HS3ST5: variants seen among roughly 807,000 people sequenced by gnomAD.
HS3ST5 encodes heparan sulfate-glucosamine 3-sulfotransferase 5.
HS3ST5 carries 10 observed loss-of-function variants against 25.4 expected under a neutral mutation model. The ratio of observed to expected loss-of-function variants is 0.39; its 90% confidence interval spans 0.24 to 0.67. HS3ST5 has a LOEUF of 0.67. Among genes scored for constraint, HS3ST5 ranks in the 30% least tolerant of loss-of-function variants. HS3ST5 has a pLI of 0.44. For synonymous variants in HS3ST5, 170 were observed against 162.4 expected (o/e 1.05, Z -0.36); for missense variants, 324 against 420.7 (o/e 0.77, Z 2.01).
intron 1 of HS3ST5, among the ~76,000 whole-genome samples, chr6:114,324,175 G>C (rs1161429292): frequency 6.6e-6 from 1 of 152,162 alleles, no homozygotes; most frequent in African/African-American, 2.4e-5. Context: ...TTCCCTTTTA[G>C]ACAACAGGGC....
chr6:114,095,238 A>G (rs963950436), intron 3 of HS3ST5, among the ~76,000 whole-genome samples: 6 of 152,168 alleles, frequency 3.9e-5, no homozygotes, highest in African/African-American at 1.4e-4. Context: ...TAGTGCTTCC[A>G]TCTTCCCAGT....
At chr6:114,070,257 T>C (rs553848109) in intron 3 of HS3ST5, among the ~76,000 whole-genome samples, 22 of 150,746 alleles carry the variant, frequency 1.5e-4, no homozygotes, top group South Asian at 4.2e-4. Flanking sequence ...CCACTGAACC[T>C]TGAGTTAGAG....
chr6:114,082,980 T>G (rs757264516), intron 3 of HS3ST5, among the ~76,000 whole-genome samples: 2 of 152,228 alleles, frequency 1.3e-5, no homozygotes, highest in Non-Finnish European at 2.9e-5. Flanking sequence ...GCACTCACCA[T>G]TGCTCCATCT....
At chr6:114,267,078 T>A (rs941671434) in intron 1 of HS3ST5, among the ~76,000 whole-genome samples, 22 of 152,036 alleles carry the variant, frequency 1.4e-4, no homozygotes, top group African/African-American at 5.1e-4. Flanking sequence ...ACAGGGAATC[T>A]CAGAAATGGC....
chr6:114,127,566 G>A (rs1777103407), intron 3 of HS3ST5, among the ~76,000 whole-genome samples: 1 of 152,028 alleles, frequency 6.6e-6, no homozygotes, highest in African/African-American at 2.4e-5. Flanking sequence ...GCATTCATAT[G>A]GCTAGCAGAG....
At chr6:114,207,028 A>G (rs1488713481) in intron 2 of HS3ST5, among the ~76,000 whole-genome samples, 3 of 152,140 alleles carry the variant, frequency 2.0e-5, no homozygotes, top group Non-Finnish European at 4.4e-5. Flanking sequence ...ATCACATTCA[A>G]CTGTTTCCAA....
intron 3 of HS3ST5, among the ~76,000 whole-genome samples, chr6:114,111,589 C>T (rs1776271245): frequency 6.6e-6 from 1 of 152,142 alleles, no homozygotes; most frequent in African/African-American, 2.4e-5. Flanking sequence ...ATAACTAGTG[C>T]TGGGGAATAA....
chr6:114,136,650 A>T (rs1312588800), intron 3 of HS3ST5, among the ~76,000 whole-genome samples: 1 of 152,222 alleles, frequency 6.6e-6, no homozygotes, highest in Non-Finnish European at 1.5e-5. Flanking sequence ...ACTGTTGGCT[A>T]CTTTAATGTG....
chr6:114,156,561 T>C (rs1487904593), intron 3 of HS3ST5, among the ~76,000 whole-genome samples: 1 of 152,246 alleles, frequency 6.6e-6, no homozygotes, highest in Non-Finnish European at 1.5e-5. Context: ...CAACTTTTAG[T>C]TGTGGTTCCA....
intron 1 of HS3ST5, among the ~76,000 whole-genome samples, chr6:114,238,411 T>C (rs921388802): frequency 3.3e-5 from 5 of 152,212 alleles, no homozygotes; most frequent in African/African-American, 1.2e-4. Context: ...GGCTAGAGGA[T>C]CACTTTACCA....
At chr6:114,209,767 A>G (rs1781433405) in intron 2 of HS3ST5, among the ~76,000 whole-genome samples, 1 of 152,196 alleles carries the variant, frequency 6.6e-6, no homozygotes, top group African/African-American at 2.4e-5. Context: ...GGGGGAAAAA[A>G]GAAATGGGAG....
chr6:114,295,608 A>G (rs1210269496), intron 1 of HS3ST5, among the ~76,000 whole-genome samples: 1 of 152,250 alleles, frequency 6.6e-6, no homozygotes, highest in African/African-American at 2.4e-5. Context: ...TTAGCCTGTG[A>G]CCACAAATCT....
intron 1 of HS3ST5, chr6:114,238,893 T>A (rs1465036153): frequency 6.6e-6 from 1 of 152,222 alleles, no homozygotes; most frequent in Non-Finnish European, 1.5e-5. Flanking sequence ...TTTGGCTGAA[T>A]AATATATAAA....
chr6:114,335,136 C>CATG (rs1009672949), intron 1 of HS3ST5, among the ~76,000 whole-genome samples: 10 of 152,088 alleles, frequency 6.6e-5, no homozygotes, highest in Admixed American at 1.3e-4. Context: ...GGGTGAGGAT[C>CATG]ATGGCTCCAC....
intron 3 of HS3ST5, among the ~76,000 whole-genome samples, chr6:114,077,432 G>A (rs1419684989): frequency 1.3e-5 from 2 of 152,158 alleles, no homozygotes; most frequent in African/African-American, 4.8e-5. Flanking sequence ...TTAAACAATT[G>A]TTAGTTTAGT....
chr6:114,121,396 G>T (rs1323429944), intron 3 of HS3ST5, among the ~76,000 whole-genome samples: 7 of 152,094 alleles, frequency 4.6e-5, no homozygotes, highest in Non-Finnish European at 1.0e-4. Flanking sequence ...GTAATGCAGT[G>T]CATCAAGGAC....
intron 1 of HS3ST5, among the ~76,000 whole-genome samples, chr6:114,339,302 T>A (rs1196400001): frequency 2.6e-5 from 4 of 152,182 alleles, no homozygotes; most frequent in African/African-American, 4.8e-5. Context: ...ACCTTGAGAA[T>A]TATTTTATTC....
intron 1 of HS3ST5, among the ~76,000 whole-genome samples, chr6:114,327,482 A>G (rs981990191): frequency 4.6e-5 from 7 of 152,216 alleles, no homozygotes; most frequent in Admixed American, 2.0e-4. Flanking sequence ...CCATGGATAC[A>G]TAAGTTGATT....
At chr6:114,280,064 C>A (rs747514282) in intron 1 of HS3ST5, among the ~76,000 whole-genome samples, 2 of 151,322 alleles carry the variant, frequency 1.3e-5, no homozygotes, top group Non-Finnish European at 2.9e-5. Flanking sequence ...CCTGGGAGGG[C>A]TTCCCAAAGA....
Sources: allele counts gnomAD v4.1 joint callset (sites outside exome capture counted in the v4.1 genomes callset), GRCh38; gene constraint gnomAD v4.1.1; transcripts MANE v1.5; gene names NCBI Gene and HGNC (gene_info 2026-07-23, HGNC 2026-07-21).